The following DENND6B variants were observed in gnomAD, a reference collection of about 807,000 sequenced individuals.
The protein encoded by DENND6B is protein DENND6B.
A neutral mutation model predicts 85.1 loss-of-function variants in DENND6B; 73 were observed. The observed-to-expected ratio is 0.86, with a 90% CI of 0.71 to 1.04. The LOEUF is 1.04. Ranked by LOEUF, DENND6B falls within the 50% of genes least tolerant of loss-of-function variation. The probability of loss-of-function intolerance (pLI) is 0.00; values close to 1 mark genes in which losing one functional copy is unlikely to be tolerated. For missense variants in DENND6B, 715 were observed against 785.8 expected (o/e 0.91, Z 1.08); for synonymous variants, 357 against 329.3 (o/e 1.08, Z -0.91).
At chr22:50,315,233 G>A (rs891237575) in intron 9 of DENND6B, among the ~76,000 whole-genome samples, 12 of 151,466 alleles carry the variant, frequency 7.9e-5, no homozygotes, top group Admixed American at 2.0e-4. Context: ...GGGGGTACCC[G>A]CCCAGACCCC....
In DENND6B at chr22:50,310,526, G is replaced by T. The variant is rs2068045410; in HGVS notation, c.*1613C>A. ...TGGCTCAGTCACATCCTGCACTGAA[G>T]TGGCTGGCAGTGCTCGCTCTCCACC... is the stretch of plus-strand genomic sequence containing the variant. On this transcript the variant is annotated 3_prime_UTR_variant, in exon 20 of 20. Transcript: ENST00000413817. The T allele has an allele frequency of 6.6e-6, 1 of 152,264 alleles. No homozygotes were observed. The highest frequency in any genetic ancestry group is 2.4e-5 in the African/African-American group (1 of 41,466). 9.4% of individuals were successfully genotyped at this position (152,264 alleles called of 1,614,324 possible). A position where few individuals can be genotyped will look rare whatever the true frequency, so the allele number is the denominator to read the frequency against.
rs200417701 is a variant in DENND6B at position 50,317,959 on chromosome 22, G to A, written c.321C>T (p.Pro107=). The part of the protein sequence containing the change: ...RMRQCGGQRS[P]WHADDRHYNS... ...TGTAGTGCCTGTCGTCGGCATGCCA[G>A]GGGCTCCTCTGCCCTCCACACTGGC... Residue 107 remains proline (P), a synonymous_variant, in exon 4 of 20, where the codon CCC becomes CCT. Transcript: ENST00000413817. The A allele has an allele frequency of 1.3e-5, 21 of 1,612,142 alleles. No homozygotes were observed. The Admixed American group carries it at 3.0e-4, about 23-fold the overall frequency.
chr22:50,319,686 G>A (rs984174990), intron 1 of DENND6B, among the ~76,000 whole-genome samples: 3 of 146,002 alleles, frequency 2.1e-5, no homozygotes, highest in Non-Finnish European at 4.4e-5. Context: ...AGAGGGCCCC[G>A]GTCGTGCTGC....
intron 1 of DENND6B, among the ~76,000 whole-genome samples, chr22:50,322,138 G>C (rs573945105): frequency 6.7e-6 from 1 of 150,076 alleles, no homozygotes; most frequent in Non-Finnish European, 1.5e-5. Flanking sequence ...ACAGTGGCGC[G>C]ATCTCAGCTC....
intron 14 of DENND6B, 28 bp from the exon 15 acceptor site, chr22:50,313,752 G>A: frequency 6.2e-7 from 1 of 1,606,718 alleles, no homozygotes; most frequent in Non-Finnish European, 8.5e-7. Context: ...CCAGGCCCTT[G>A]CTGCGCTTCA....
chr22:50,321,361 TTTTA>T (rs770486708), intron 1 of DENND6B, among the ~76,000 whole-genome samples: 4 of 152,086 alleles, frequency 2.6e-5, no homozygotes, highest in East Asian at 1.9e-4. Flanking sequence ...ACTTTTTATT[TTTTA>T]TTTATTTATT....
Position 50,313,692 on chromosome 22 carries a change from C to G in DENND6B, c.1236G>C (p.Gln412His), listed in dbSNP as rs763855222. 3 of 1,601,528 alleles carry G rather than the reference C, an allele frequency of 1.9e-6. No homozygotes were observed. The highest frequency in any genetic ancestry group is 1.7e-5 in the Admixed American group (1 of 58,388). The change falls in exon 15 of 20, where the codon CAG (glutamine) becomes CAC (histidine). Residue 412 changes from glutamine (Q) to histidine (H), a missense_variant. Coordinates refer to ENST00000413817, the MANE Select transcript of DENND6B (RefSeq NM_001001794.4). Reference sequence around the variant, plus strand: ...GGAGGTGCCGCCGCAGCAGGGCGCTCTGCACATCTGACGGCCGCTTCTTCT... The same window carrying G: ...GGAGGTGCCGCCGCAGCAGGGCGCTGTGCACATCTGACGGCCGCTTCTTCT... Reference protein sequence around the residue: ...GVQKKRPSDVQSALLRRHLLE... With the variant: ...GVQKKRPSDVHSALLRRHLLE...
intron 1 of DENND6B, among the ~76,000 whole-genome samples, chr22:50,320,497 C>T (rs2042009955): frequency 1.3e-5 from 2 of 152,190 alleles, no homozygotes; most frequent in Admixed American, 1.3e-4. Flanking sequence ...GTTACTTCTG[C>T]CTCCCAGCAC....
chr22:50,315,019 T>G, intron 9 of DENND6B, 98 bp from the exon 10 acceptor site: 1 of 1,525,004 alleles, frequency 6.6e-7, no homozygotes, highest in Non-Finnish European at 8.9e-7. Context: ...GCCCAGGCAC[T>G]GGTGAACACA....
In DENND6B at chr22:50,311,833, C is replaced by T. The variant is rs868125412; in HGVS notation, c.*306G>A. On this transcript the variant is annotated 3_prime_UTR_variant, in exon 20 of 20. Coordinates refer to ENST00000413817, the MANE Select transcript of DENND6B (RefSeq NM_001001794.4). ...GGCACCGGGAGGGGCAGACGGTAGA[C>T]GCACCCACATCAGCAAGGGCTCCCA... 2.4e-5 allele frequency: 10 copies of T among 415,558 alleles called. No individual in the cohort carries two copies. The highest frequency in any genetic ancestry group is 7.0e-4 in the Middle Eastern group (1 of 1,426). 25.7% of individuals were successfully genotyped at this position (415,558 alleles called of 1,614,324 possible). A position where few individuals can be genotyped will look rare whatever the true frequency, so the allele number is the denominator to read the frequency against.
At chr22:50,315,873 C>T in intron 8 of DENND6B, 104 bp from the exon 9 acceptor site, 4 of 1,497,028 alleles carry the variant, frequency 2.7e-6, no homozygotes, top group Non-Finnish European at 2.7e-6. Flanking sequence ...GAGCACCCAG[C>T]CCTACACCAA....
In DENND6B at chr22:50,315,710, T is replaced by C; in HGVS notation, c.758+4A>G. 1 of 1,567,050 alleles carries C rather than the reference T, an allele frequency of 6.4e-7. No homozygotes were observed. The highest frequency in any genetic ancestry group is 8.6e-7 in the Non-Finnish European group (1 of 1,157,730). ...AGCAGTGTGCAGAACCCTAGGGGGC[T>C]CACCTGAACAGGTCCAGCTCGTGGA... On this transcript the variant is annotated splice_donor_region_variant and intron_variant, in intron 9 of 19. Coordinates refer to ENST00000413817, the MANE Select transcript of DENND6B (RefSeq NM_001001794.4).
chr22:50,321,186 G>A (rs566469524), intron 1 of DENND6B, among the ~76,000 whole-genome samples: 130 of 152,116 alleles, frequency 8.5e-4, no homozygotes, highest in African/African-American at 2.9e-3. Context: ...AGGTATGGCC[G>A]GGCCACCCTG....
chr22:50,323,721 CTTTTTTTT>C (rs146060526), intron 1 of DENND6B, among the ~76,000 whole-genome samples: 3 of 104,630 alleles, frequency 2.9e-5, no homozygotes, highest in Non-Finnish European at 5.4e-5. Flanking sequence ...CACGCCTAGC[CTTTTTTTT>C]TTTTTTTTTT....
intron 1 of DENND6B, 170 bp from the exon 2 acceptor site, chr22:50,319,173 C>A: frequency 1.3e-6 from 2 of 1,521,688 alleles, no homozygotes; most frequent in Non-Finnish European, 1.8e-6. Flanking sequence ...CAACAGCACG[C>A]TGCATCCTCC....
At position 50,312,334 on chromosome 22, in the gene DENND6B, G is replaced by C. The variant is rs769568512; in HGVS notation, c.1635+9C>G. The stretch of plus-strand genomic sequence containing the variant: ...GGTGGCGCTGGGACAAGGCTGGGAG[G>C]CATCTTACCAGCTTCTCACGAAGTT... On this transcript the variant is annotated intron_variant, in intron 19 of 19. Coordinates refer to ENST00000413817, the MANE Select transcript of DENND6B (RefSeq NM_001001794.4). The C allele has an allele frequency of 6.2e-7, 1 of 1,611,316 alleles. No individual in the cohort carries two copies. Among genetic ancestry groups the C allele is most frequent in the Non-Finnish European group, 8.5e-7 (1 of 1,179,228 alleles).
Position 50,316,273 on chromosome 22 carries a change from C to A in DENND6B, c.560-20G>T. On this transcript the variant is annotated intron_variant, in intron 6 of 19. Coordinates refer to ENST00000413817, the MANE Select transcript of DENND6B (RefSeq NM_001001794.4). Reference sequence around the variant, plus strand: ...TGCACACTGCGGATGCAGTAGCCCGCATCAGGACCCTCCCCAAGGAGAAGC... The same window carrying A: ...TGCACACTGCGGATGCAGTAGCCCGAATCAGGACCCTCCCCAAGGAGAAGC... 1 of 1,582,890 alleles carries A rather than the reference C, an allele frequency of 6.3e-7. No individual in the cohort carries two copies. Among genetic ancestry groups the A allele is most frequent in the Non-Finnish European group, 8.6e-7 (1 of 1,165,122 alleles).
chr22:50,314,340 C>CCT, intron 12 of DENND6B, 60 bp downstream of exon 12: 2 of 1,580,724 alleles, frequency 1.3e-6, no homozygotes. Context: ...GGCTCTGAGG[C>CCT]GGCCCCACAC....
chr22:50,322,926 C>G lies in DENND6B; in HGVS notation c.177+3886G>C, dbSNP rs1189697367. ...AGTGCAGTGGCACAATCTTGGCTCACTGCCAACTCCGCCTCCTGGGTTCAC... is the reference window on the plus strand; with the variant it reads ...AGTGCAGTGGCACAATCTTGGCTCAGTGCCAACTCCGCCTCCTGGGTTCAC... On this transcript the variant is annotated intron_variant, in intron 1 of 19. Transcript: ENST00000413817. 3.3e-5 allele frequency among the ~76,000 whole-genome samples: 5 copies of G among 150,538 alleles called. No individual in the cohort carries two copies. In the East Asian group the frequency reaches 9.8e-4, roughly 29 times the overall value.
Sources: gnomAD v4.1 joint callset for allele counts (sites outside exome capture counted in the v4.1 genomes callset) on GRCh38, gnomAD v4.1.1 for gene constraint, MANE v1.5 for transcripts, NCBI Gene and HGNC (gene_info 2026-07-23, HGNC 2026-07-21) for gene names.